MVB12B: variants seen among roughly 807,000 people sequenced by gnomAD.
The protein encoded by MVB12B is multivesicular body subunit 12B.
Under a neutral mutation model 41.6 loss-of-function variants are expected in MVB12B, and 16 were observed. The ratio of observed to expected loss-of-function variants is 0.38; its 90% CI spans 0.26 to 0.58. The LOEUF is 0.58. MVB12B is among the 20% of genes least tolerant of loss of function. MVB12B has a pLI of 0.62. For synonymous variants in MVB12B, 133 were observed against 139.7 expected (o/e 0.95, Z 0.34); for missense variants, 274 against 380.2 (o/e 0.72, Z 2.32).
rs145867604 is a variant in MVB12B at position 126,464,220 on chromosome 9, G to A, written c.758-17149G>A. Among the ~76,000 whole-genome samples, 659 of 152,292 alleles carry A rather than the reference G, an allele frequency of 4.3e-3. 3 individuals carry two copies. The highest frequency in any genetic ancestry group is 0.015 in the African/African-American group (622 of 41,548). The stretch of plus-strand genomic sequence containing the variant: ...ACTATGATGGGTGGTAGCTCAGGAG[G>A]CAGCCCAGGGGGTAACGTTTCTGCC... On this transcript the variant is annotated intron_variant, in intron 7 of 9. Transcript: ENST00000361171.
chr9:126,392,118 T>C lies in MVB12B; in HGVS notation c.462T>C (p.Asp154=). ...KRLCIKFIPR[D]STEAAICDIR... is the part of the protein sequence containing the mutation. ...TGTGCATTAAATTTATTCCACGGGA[T>C]TCAACGGAAGCTGCGATTTGTGACA... The change falls in exon 5 of 10, where the codon GAT becomes GAC. Residue 154 remains aspartate, a synonymous_variant. Transcript: ENST00000361171. The surrounding 1 kb of genome is among the most constrained non-coding windows in gnomAD (Gnocchi z 4.8). The C allele has an allele frequency of 6.2e-7, 1 of 1,614,200 alleles. No individual in the cohort carries two copies. Among genetic ancestry groups the C allele is most frequent in the Admixed American group, 1.7e-5 (1 of 60,036 alleles).
chr9:126,397,306 C>G (rs1193148489), intron 6 of MVB12B: 1 of 985,466 alleles, frequency 1.0e-6, no homozygotes, highest in Non-Finnish European at 1.2e-6. Context: ...TCTCAGAAGC[C>G]TGCTGGTGAC....
At position 126,395,486 on chromosome 9, in the gene MVB12B, G is replaced by T; in HGVS notation, c.540-89G>T. On this transcript the variant is annotated intron_variant, in intron 5 of 9. Transcript: ENST00000361171. This position sits in a 1 kb window ranked among gnomAD's most constrained non-coding sequence, Gnocchi z 4.9. ...TTGATTCCCTGGTGTTTGAGGCCAT[G>T]ACTCTTTTAAATGAATTGGTTTGCT... 6.7e-7 allele frequency: 1 copy of T among 1,491,378 alleles called. No homozygotes were observed. Among genetic ancestry groups the T allele is most frequent in the South Asian group, 1.2e-5 (1 of 80,740 alleles). 92.4% of individuals were successfully genotyped at this position (1,491,378 alleles called of 1,614,324 possible).
At chr9:126,417,897 C>T (rs367951005) in intron 6 of MVB12B, among the ~76,000 whole-genome samples, 2 of 151,908 alleles carry the variant, frequency 1.3e-5, no homozygotes, top group Admixed American at 6.6e-5. Context: ...TTTGGAGAGT[C>T]GGTAAGGAAG....
chr9:126,462,098 A>G (rs1833102988), intron 7 of MVB12B, among the ~76,000 whole-genome samples: 1 of 152,278 alleles, frequency 6.6e-6, no homozygotes, highest in African/African-American at 2.4e-5. Context: ...ACCAGTTCAT[A>G]GAAGTCTATC....
chr9:126,500,778 C>A (rs1156271333), intron 9 of MVB12B, among the ~76,000 whole-genome samples: 2 of 152,230 alleles, frequency 1.3e-5, no homozygotes, highest in African/African-American at 4.8e-5. Flanking sequence ...GCACCTATTG[C>A]CCTAGGTGCC....
At chr9:126,341,437 C>T (rs1286559209) in intron 2 of MVB12B, among the ~76,000 whole-genome samples, 1 of 152,216 alleles carries the variant, frequency 6.6e-6, no homozygotes, top group Non-Finnish European at 1.5e-5. Flanking sequence ...ACTTTCCTCA[C>T]TTTGTTTGTG....
intron 8 of MVB12B, among the ~76,000 whole-genome samples, chr9:126,483,696 G>T (rs568150410): frequency 6.6e-6 from 1 of 152,308 alleles, no homozygotes; most frequent in South Asian, 2.1e-4. Context: ...AGGAGACCTG[G>T]ATCCCCCTGG....
In MVB12B at chr9:126,389,713, A is replaced by G. The variant is rs903706045; in HGVS notation, c.410-2353A>G. Reference sequence around the variant, plus strand: ...ATCAGCTGATAATCTTTGAAGTTGCAGAGTTGCCATGAGCAGCGCCCCCAA... The same window carrying G: ...ATCAGCTGATAATCTTTGAAGTTGCGGAGTTGCCATGAGCAGCGCCCCCAA... On this transcript the variant is annotated intron_variant, in intron 4 of 9. Coordinates refer to ENST00000361171, the MANE Select transcript of MVB12B (RefSeq NM_033446.3). The surrounding 1 kb of genome is among the most constrained non-coding windows in gnomAD (Gnocchi z 4.4). 2.0e-5 allele frequency among the ~76,000 whole-genome samples: 3 copies of G among 152,040 alleles called. No homozygotes were observed. The highest frequency in any genetic ancestry group is 2.9e-5 in the Non-Finnish European group (2 of 67,998).
chr9:126,350,529 A>G (rs1009474551), intron 2 of MVB12B, among the ~76,000 whole-genome samples: 2 of 152,240 alleles, frequency 1.3e-5, no homozygotes, highest in African/African-American at 2.4e-5. Flanking sequence ...TCCAAGTTCA[A>G]GAGGCACATC....
At chr9:126,440,053 G>C (rs906576171) in intron 7 of MVB12B, among the ~76,000 whole-genome samples, 38 of 152,186 alleles carry the variant, frequency 2.5e-4, no homozygotes, top group Non-Finnish European at 8.8e-5. Flanking sequence ...AAGACTCCCA[G>C]CCTGAACACA....
chr9:126,496,407 CACTCACCCACCCATTCATCT>C (rs1250487366), intron 9 of MVB12B, among the ~76,000 whole-genome samples: 1 of 146,944 alleles, frequency 6.8e-6, no homozygotes, highest in African/African-American at 2.5e-5. Flanking sequence ...CCCACCCACT[CACTCACCCACCCATTCATCT>C]ACTCACCCAC....
intron 2 of MVB12B, among the ~76,000 whole-genome samples, chr9:126,360,550 C>A: frequency 6.6e-6 from 1 of 152,184 alleles, no homozygotes; most frequent in East Asian, 1.9e-4. Flanking sequence ...GTATATTCTT[C>A]TTCTGTTGCA....
At chr9:126,477,988 G>A (rs1833453138) in intron 7 of MVB12B, among the ~76,000 whole-genome samples, 1 of 152,150 alleles carries the variant, frequency 6.6e-6, no homozygotes, top group Admixed American at 6.5e-5. Context: ...TCAGTTGGAA[G>A]GAGAAAGAAA....
At chr9:126,402,597 A>G (rs1831296559) in intron 6 of MVB12B, among the ~76,000 whole-genome samples, 2 of 152,140 alleles carry the variant, frequency 1.3e-5, no homozygotes, top group South Asian at 2.1e-4. Context: ...AGCTGTGATC[A>G]TGATTCCTCC....
At chr9:126,331,779 T>C (rs887115051) in intron 1 of MVB12B, among the ~76,000 whole-genome samples, 2 of 152,206 alleles carry the variant, frequency 1.3e-5, no homozygotes, top group Admixed American at 6.5e-5. Context: ...ACCCATCCCA[T>C]TCCTCTGCTC....
intron 7 of MVB12B, 189 bp from the exon 8 acceptor site, chr9:126,481,180 T>G: frequency 1.6e-6 from 1 of 623,530 alleles, no homozygotes; most frequent in Non-Finnish European, 2.8e-6. Context: ...CCTCTCTCAG[T>G]AGGTTGTGTG....
In MVB12B at chr9:126,468,347, G is replaced by A. The variant is rs1002489484; in HGVS notation, c.758-13022G>A. On this transcript the variant is annotated intron_variant, in intron 7 of 9. Coordinates refer to ENST00000361171, the MANE Select transcript of MVB12B (RefSeq NM_033446.3). The surrounding 1 kb of genome is among the most constrained non-coding windows in gnomAD (Gnocchi z 4.3). ...TCTCGGTCATAATGTTCTAACCAGT[G>A]TTGACCAGTTGCCTCCCCTTGGCTG... 6.6e-6 allele frequency among the ~76,000 whole-genome samples: 1 copy of A among 152,128 alleles called. No homozygotes were observed. The highest frequency in any genetic ancestry group is 1.5e-5 in the Non-Finnish European group (1 of 68,032).
intron 7 of MVB12B, among the ~76,000 whole-genome samples, chr9:126,458,762 A>G (rs1468050709): frequency 6.6e-6 from 1 of 152,208 alleles, no homozygotes; most frequent in Non-Finnish European, 1.5e-5. Flanking sequence ...CAGATTTTCA[A>G]ATGGCTGGAA....
Sources: gnomAD v4.1 joint callset for allele counts (sites outside exome capture counted in the v4.1 genomes callset) on GRCh38, gnomAD v4.1.1 for gene constraint, Gnocchi (gnomAD v3.1) non-coding constraint, MANE v1.5 for transcripts, NCBI Gene and HGNC (gene_info 2026-07-23, HGNC 2026-07-21) for gene names.